The following DLC1 variants were observed in gnomAD, a reference collection of about 807,000 sequenced individuals.
DLC1 encodes DLC1 Rho GTPase activating protein, also known as rho GTPase-activating protein 7.
DLC1 carries 54 observed loss-of-function variants against 140.3 expected under a neutral mutation model. That is an observed-to-expected ratio of 0.38 (90% CI 0.31 to 0.48). The LOEUF (loss-of-function observed/expected upper bound fraction) is 0.48. Among genes scored for constraint, DLC1 ranks in the 20% least tolerant of loss-of-function variants. DLC1 has a pLI of 0.96. For synonymous variants in DLC1, 986 were observed against 728.1 expected, an observed-to-expected ratio of 1.35 and a Z score of -5.70; for missense variants, 2,536 against 1,907.0, an observed-to-expected ratio of 1.33 and a Z score of -6.14.
At chr8:13,361,559 C>T (rs1455659719) in intron 4 of DLC1, among the ~76,000 whole-genome samples, 1 of 152,114 alleles carries the variant, frequency 6.6e-6, no homozygotes, top group Non-Finnish European at 1.5e-5. Context: ...AGCCACCACG[C>T]CCTGCTCCAG....
At chr8:13,172,392 C>T (rs12546449) in intron 5 of DLC1, among the ~76,000 whole-genome samples, 16,594 of 152,256 alleles carry the variant, frequency 0.11, 1,297 homozygotes, top group Non-Finnish European at 0.16. Flanking sequence ...GGGGATTTTA[C>T]ACTTTGTAGC....
chr8:13,233,364 G>C (rs1447081498), intron 5 of DLC1, among the ~76,000 whole-genome samples: 1 of 116,894 alleles, frequency 8.6e-6, no homozygotes, highest in Non-Finnish European at 1.7e-5. Flanking sequence ...TTGCAAAATA[G>C]ATATTTGAAA....
chr8:13,505,349 G>GAA (rs75044028), intron 1 of DLC1, among the ~76,000 whole-genome samples: 5 of 150,102 alleles, frequency 3.3e-5, no homozygotes, highest in East Asian at 3.9e-4. Flanking sequence ...GTTTAAAATA[G>GAA]AAAAAAAAAT....
intron 1 of DLC1, among the ~76,000 whole-genome samples, chr8:13,541,797 C>T (rs1803493878): frequency 2.0e-5 from 3 of 152,320 alleles, no homozygotes; most frequent in East Asian, 1.9e-4. Context: ...GATCCGCCTG[C>T]CTCGGCCTCC....
intron 4 of DLC1, among the ~76,000 whole-genome samples, chr8:13,372,596 G>T (rs199682104): frequency 1.3e-5 from 2 of 152,148 alleles, no homozygotes; most frequent in African/African-American, 2.4e-5. Context: ...AGTTACTACA[G>T]TTATCAGATA....
chr8:13,340,253 T>G (rs1032416484), intron 4 of DLC1: 4 of 152,304 alleles, frequency 2.6e-5, no homozygotes, highest in Non-Finnish European at 4.4e-5. Flanking sequence ...CAGGCTGGAG[T>G]GCAGGGGAAC....
chr8:13,182,317 T>G (rs1826090154), intron 5 of DLC1, among the ~76,000 whole-genome samples: 1 of 152,192 alleles, frequency 6.6e-6, no homozygotes, highest in African/African-American at 2.4e-5. Flanking sequence ...AGAAGCTCTT[T>G]AGTTTAATTA....
intron 1 of DLC1, among the ~76,000 whole-genome samples, chr8:13,561,104 ATATT>A (rs1804226551): frequency 6.7e-6 from 1 of 148,330 alleles, no homozygotes; most frequent in African/African-American, 2.5e-5. Context: ...TAAATATTGT[ATATT>A]TAAAGTGTTT....
At chr8:13,280,766 T>A (rs1286066597) in intron 5 of DLC1, among the ~76,000 whole-genome samples, 1 of 152,214 alleles carries the variant, frequency 6.6e-6, no homozygotes, top group South Asian at 2.1e-4. Context: ...TAGGACTACC[T>A]AAAGTGCTGG....
intron 5 of DLC1, among the ~76,000 whole-genome samples, chr8:13,296,462 T>A (rs987802058): frequency 6.6e-6 from 1 of 152,232 alleles, no homozygotes; most frequent in Non-Finnish European, 1.5e-5. Flanking sequence ...CTCTTCATGC[T>A]GCTGATAGCC....
chr8:13,434,971 C>T (rs553022508), intron 2 of DLC1, among the ~76,000 whole-genome samples: 91 of 152,112 alleles, frequency 6.0e-4, no homozygotes, highest in South Asian at 1.0e-3. Flanking sequence ...TGACCCCCCC[C>T]GGCTCACCCT....
At chr8:13,313,242 G>T (rs3910124) in intron 4 of DLC1, among the ~76,000 whole-genome samples, 1 of 151,886 alleles carries the variant, frequency 6.6e-6, no homozygotes, top group Non-Finnish European at 1.5e-5. Context: ...CGTGTGCCTA[G>T]GTCTAGTTAA....
At chr8:13,390,636 C>T (rs1229770417) in intron 4 of DLC1, among the ~76,000 whole-genome samples, 1 of 152,166 alleles carries the variant, frequency 6.6e-6, no homozygotes, top group African/African-American at 2.4e-5. Context: ...ACCACCATGG[C>T]ACACGTATGC....
At chr8:13,466,194 G>A (rs1309491546) in intron 2 of DLC1, among the ~76,000 whole-genome samples, 2 of 152,042 alleles carry the variant, frequency 1.3e-5, no homozygotes, top group African/African-American at 4.8e-5. Flanking sequence ...GTAACACCCC[G>A]GGCCCCAATA....
At chr8:13,452,266 A>T (rs1009495623) in intron 2 of DLC1, among the ~76,000 whole-genome samples, 5 of 151,970 alleles carry the variant, frequency 3.3e-5, no homozygotes, top group African/African-American at 1.2e-4. Context: ...CATTTTTAAG[A>T]ATTGTACTCA....
At chr8:13,138,398 A>T (rs1248761787) in intron 5 of DLC1, among the ~76,000 whole-genome samples, 2 of 152,208 alleles carry the variant, frequency 1.3e-5, no homozygotes, top group Non-Finnish European at 2.9e-5. Flanking sequence ...ATTCCACTTA[A>T]TTTTAACTTT....
chr8:13,246,051 GA>G (rs1368200300), intron 5 of DLC1, among the ~76,000 whole-genome samples: 1 of 152,046 alleles, frequency 6.6e-6, no homozygotes, highest in Non-Finnish European at 1.5e-5. Context: ...ACAAGCTGAA[GA>G]AAAGTATAAA....
At chr8:13,555,946 C>G (rs1438107264) in intron 1 of DLC1, among the ~76,000 whole-genome samples, 1 of 152,012 alleles carries the variant, frequency 6.6e-6, no homozygotes, top group African/African-American at 2.4e-5. Flanking sequence ...ACTAACAGCA[C>G]TTTACTAAGA....
At chr8:13,402,134 C>T (rs1490494708) in intron 2 of DLC1, among the ~76,000 whole-genome samples, 1 of 152,152 alleles carries the variant, frequency 6.6e-6, no homozygotes, top group Non-Finnish European at 1.5e-5. Context: ...GGCCATTTAG[C>T]CACTGCTACT....
Sources: gnomAD v4.1 joint callset for allele counts (sites outside exome capture counted in the v4.1 genomes callset) on GRCh38, gnomAD v4.1.1 for gene constraint, MANE v1.5 for transcripts, NCBI Gene and HGNC (gene_info 2026-07-23, HGNC 2026-07-21) for gene names.